OSBP2: variants seen among roughly 807,000 people sequenced by gnomAD.
The protein encoded by OSBP2 is oxysterol-binding protein 2.
Under a neutral mutation model 96.0 loss-of-function variants are expected in OSBP2, and 66 were observed. The observed-to-expected ratio is 0.69, with a 90% CI of 0.56 to 0.84. OSBP2 has a LOEUF of 0.84. Among genes scored for constraint, OSBP2 ranks in the 40% least tolerant of loss-of-function variants. The pLI, the probability that OSBP2 is intolerant of heterozygous loss-of-function variation, is 0.00. For missense variants in OSBP2, 1,038 were observed against 1,222.7 expected, an observed-to-expected ratio of 0.85 and a Z score of 2.25; for synonymous variants, 525 against 520.9, an observed-to-expected ratio of 1.01 and a Z score of -0.11.
At chr22:30,774,726 C>A (rs2090406325) in intron 2 of OSBP2, among the ~76,000 whole-genome samples, 1 of 152,120 alleles carries the variant, frequency 6.6e-6, no homozygotes, top group African/African-American at 2.4e-5. Flanking sequence ...ATAACTGACT[C>A]ATTAAACTTG....
chr22:30,858,411 G>T (rs769182394), intron 2 of OSBP2, among the ~76,000 whole-genome samples: 2 of 151,606 alleles, frequency 1.3e-5, no homozygotes, highest in Non-Finnish European at 2.9e-5. Context: ...CTCCCAAAGT[G>T]CTGGGATTAC....
At chr22:30,804,823 C>CATTCTT (rs1202245837) in intron 2 of OSBP2, among the ~76,000 whole-genome samples, 1 of 152,182 alleles carries the variant, frequency 6.6e-6, no homozygotes, top group African/African-American at 2.4e-5. Context: ...TGACTCATGA[C>CATTCTT]TGTACTTTGA....
At chr22:30,728,738 C>G (rs1306465074) in intron 1 of OSBP2, among the ~76,000 whole-genome samples, 1 of 152,176 alleles carries the variant, frequency 6.6e-6, no homozygotes, top group Non-Finnish European at 1.5e-5. Flanking sequence ...TTCAAGCAAT[C>G]CTCCTGCCAT....
chr22:30,893,963 C>G lies in OSBP2; in HGVS notation c.2337C>G (p.Thr779=), dbSNP rs759150077. Reference sequence around the variant, plus strand: ...GGAAGCAGAAGACAGTGTACCAGACCCTGTCAGCCAAGCTGCTGTGGAAGA... The same window carrying G: ...GGAAGCAGAAGACAGTGTACCAGACGCTGTCAGCCAAGCTGCTGTGGAAGA... The part of the protein sequence containing the change: ...SDGKQKTVYQ[T]LSAKLLWKKY... The change falls in exon 12 of 14, where the codon ACC becomes ACG. Residue 779 remains threonine, a synonymous_variant. Coordinates refer to ENST00000332585, the MANE Select transcript of OSBP2 (RefSeq NM_030758.4). The G allele has an allele frequency of 3.8e-6, 6 of 1,599,910 alleles. No homozygotes were observed. In the African/African-American group the frequency reaches 8.0e-5, roughly 21 times the overall value.
At chr22:30,710,027 C>A (rs974205186) in intron 1 of OSBP2, among the ~76,000 whole-genome samples, 1 of 152,068 alleles carries the variant, frequency 6.6e-6, no homozygotes, top group Non-Finnish European at 1.5e-5. Flanking sequence ...GAATTATGGG[C>A]ATGTACCACC....
chr22:30,855,649 C>A (rs2039064487), intron 2 of OSBP2, among the ~76,000 whole-genome samples: 1 of 152,200 alleles, frequency 6.6e-6, no homozygotes, highest in Admixed American at 6.5e-5. Context: ...CCCTTCAAAG[C>A]CTCATGGCCC....
At position 30,717,086 on chromosome 22, in the gene OSBP2, G is replaced by GTTTTT. The variant is rs144392805; in HGVS notation, c.644+21534_644+21538dup. ...AAATCTATTTTGTTTTAATTTTACT[G>GTTTTT]TTTTTGTGTGTGTGTGTGTGTGTGT... is the stretch of plus-strand genomic sequence containing the variant. On this transcript the variant is annotated intron_variant, in intron 1 of 13. Transcript: ENST00000332585. Among the ~76,000 whole-genome samples the GTTTTT allele has an allele frequency of 2.8e-3, 269 of 96,554 alleles. 11 individuals carry two copies. The highest frequency in any genetic ancestry group is 8.3e-3 in the South Asian group (22 of 2,640). The allele number at this position is 96,554 out of a possible 152,430, so 63.3% of individuals were successfully genotyped here.
intron 2 of OSBP2, among the ~76,000 whole-genome samples, chr22:30,834,877 G>A (rs539023811): frequency 1.3e-5 from 2 of 150,836 alleles, no homozygotes; most frequent in South Asian, 2.1e-4. Context: ...GTGCAGTGGC[G>A]TGATCTTGGC....
At chr22:30,849,002 C>G (rs1323707472) in intron 2 of OSBP2, among the ~76,000 whole-genome samples, 1 of 152,162 alleles carries the variant, frequency 6.6e-6, no homozygotes, top group East Asian at 1.9e-4. Flanking sequence ...TGCAGTGGCT[C>G]ATGCCTGTAA....
chr22:30,711,156 T>C (rs1048364426), intron 1 of OSBP2, among the ~76,000 whole-genome samples: 4 of 152,044 alleles, frequency 2.6e-5, no homozygotes, highest in African/African-American at 9.7e-5. Context: ...TAAGGGGTCA[T>C]TGTCACCCAG....
intron 1 of OSBP2, among the ~76,000 whole-genome samples, chr22:30,737,705 A>G (rs1434572793): frequency 6.6e-6 from 1 of 151,458 alleles, no homozygotes; most frequent in African/African-American, 2.4e-5. Flanking sequence ...TAGTTTTAGG[A>G]TGAGACTCTA....
Position 30,769,061 on chromosome 22 carries a change from A to T in OSBP2, c.853+27692A>T, listed in dbSNP as rs116887723. Among the ~76,000 whole-genome samples, 288 of 152,304 alleles carry T rather than the reference A, an allele frequency of 1.9e-3. 11 individuals are homozygous for T. In the East Asian group the frequency reaches 0.052, roughly 28 times the overall value. On this transcript the variant is annotated intron_variant, in intron 2 of 13. Transcript: ENST00000332585. ...TTGCCAGTTTGAGCTTTGACTGGAG[A>T]TGGTCATGGAAAGGTTGAGGCTGAG...
intron 2 of OSBP2, among the ~76,000 whole-genome samples, chr22:30,803,936 C>T (rs930279607): frequency 6.6e-5 from 10 of 152,188 alleles, no homozygotes; most frequent in Non-Finnish European, 1.0e-4. Context: ...TTCAGGGTCA[C>T]GCTGGGCAAC....
rs2147107948 is a variant in OSBP2 at position 30,870,042 on chromosome 22, T to C, written c.854-387T>C. Reference sequence around the variant, plus strand: ...CCAGGCTCCATTCTGGGGGCCTCTGTGCCCAGAGAGCAGTCTCCACCTCTC... The same window carrying C: ...CCAGGCTCCATTCTGGGGGCCTCTGCGCCCAGAGAGCAGTCTCCACCTCTC... On this transcript the variant is annotated intron_variant, in intron 2 of 13. Transcript: ENST00000332585. The surrounding 1 kb of genome is among the most constrained non-coding windows in gnomAD (Gnocchi z 4.1). Among the ~76,000 whole-genome samples, 1 of 152,316 alleles carries C rather than the reference T, an allele frequency of 6.6e-6. No individual in the cohort carries two copies. Among genetic ancestry groups the C allele is most frequent in the African/African-American group, 2.4e-5 (1 of 41,566 alleles).
intron 1 of OSBP2, among the ~76,000 whole-genome samples, chr22:30,736,198 G>A (rs1162862941): frequency 6.6e-6 from 1 of 152,208 alleles, no homozygotes; most frequent in Admixed American, 6.5e-5. Context: ...ACAGGTGTGA[G>A]CCACCATCCC....
At chr22:30,727,541 G>A (rs957712551) in intron 1 of OSBP2, among the ~76,000 whole-genome samples, 5 of 152,122 alleles carry the variant, frequency 3.3e-5, no homozygotes, top group Non-Finnish European at 5.9e-5. Flanking sequence ...TGTGGACAAA[G>A]TCATGCCACA....
At chr22:30,733,371 G>A (rs553581667) in intron 1 of OSBP2, among the ~76,000 whole-genome samples, 1 of 152,328 alleles carries the variant, frequency 6.6e-6, no homozygotes, top group South Asian at 2.1e-4. Flanking sequence ...TGGAAGGTTT[G>A]CAAAGATACC....
At chr22:30,748,219 TC>T (rs1366079092) in intron 2 of OSBP2, among the ~76,000 whole-genome samples, 2 of 151,920 alleles carry the variant, frequency 1.3e-5, no homozygotes, top group East Asian at 3.9e-4. Flanking sequence ...GTCCACTCTG[TC>T]ACCCAGGCTG....
At chr22:30,744,019 G>A (rs1007189825) in intron 2 of OSBP2, among the ~76,000 whole-genome samples, 1 of 152,212 alleles carries the variant, frequency 6.6e-6, no homozygotes, top group Admixed American at 6.5e-5. Flanking sequence ...GCACAGGACA[G>A]AGACAAATGT....
Sources: gnomAD v4.1 joint callset for allele counts (sites outside exome capture counted in the v4.1 genomes callset) on GRCh38, gnomAD v4.1.1 for gene constraint, Gnocchi (gnomAD v3.1) non-coding constraint, MANE v1.5 for transcripts, NCBI Gene and HGNC (gene_info 2026-07-23, HGNC 2026-07-21) for gene names.